OS9: variants seen among roughly 807,000 people sequenced by gnomAD.
OS9 encodes protein OS-9.
A neutral mutation model predicts 84.7 loss-of-function variants in OS9; 58 were observed. The ratio of observed to expected loss-of-function variants is 0.68; its 90% CI spans 0.55 to 0.85. The LOEUF (loss-of-function observed/expected upper bound fraction) is 0.85. Ranked by LOEUF, OS9 falls within the 40% of genes least tolerant of loss-of-function variation. OS9 has a pLI of 0.00. For synonymous variants in OS9, 278 were observed against 320.8 expected (o/e 0.87, Z 1.43); for missense variants, 760 against 850.9 (o/e 0.89, Z 1.33).
rs756329065 is a variant in OS9 at position 57,694,301 on chromosome 12, C to A, written c.140C>A (p.Pro47Gln). 32 of 1,613,936 alleles carry A rather than the reference C, an allele frequency of 2.0e-5. No homozygotes were observed. Among genetic ancestry groups the A allele is most frequent in the Non-Finnish European group, 2.6e-5 (31 of 1,180,018 alleles). The change falls in exon 1 of 15, where the codon CCG (proline) becomes CAG (glutamine). Residue 47 changes from proline to glutamine, a missense_variant. Transcript: ENST00000315970. ...SEMRYGIEIL[P>Q]LPVMGGQSQS... ...ATGCGTTATGGGATCGAGATCCTGC[C>A]GTTGCCTGTCATGGGAGGGCAGGTG...
At position 57,716,733 on chromosome 12, in the gene OS9, G is replaced by A. The variant is rs1954511939; in HGVS notation, c.1034G>A (p.Gly345Asp). 6.2e-7 allele frequency: 1 copy of A among 1,613,838 alleles called. No homozygotes were observed. Among genetic ancestry groups the A allele is most frequent in the Non-Finnish European group, 8.5e-7 (1 of 1,179,742 alleles). ...CCTGAGGCAGCAGATTCAGCTTCTG[G>A]TGCTCCCAATGGTGAGTGAACCTTC... ...PSPEAADSAS[G>D]APNDFQNNVQ... The change falls in exon 9 of 15, where the codon GGT (glycine) becomes GAT (aspartate). Residue 345 changes from glycine to aspartate, a missense_variant. Physicochemically the swap from Gly to Asp is moderately conservative, Grantham distance 94. Coordinates refer to ENST00000315970, the MANE Select transcript of OS9 (RefSeq NM_006812.4).
At chr12:57,713,209 A>G (rs1009777020) in intron 5 of OS9, among the ~76,000 whole-genome samples, 2 of 152,124 alleles carry the variant, frequency 1.3e-5, no homozygotes, top group Non-Finnish European at 1.5e-5. Flanking sequence ...TGAAGTGCCT[A>G]TAGGCTTGAA....
chr12:57,702,129 C>G (rs1954044862), intron 5 of OS9, among the ~76,000 whole-genome samples: 1 of 152,072 alleles, frequency 6.6e-6, no homozygotes, highest in African/African-American at 2.4e-5. Flanking sequence ...AATATATAAC[C>G]TAAAAGTTAT....
intron 8 of OS9, 80 bp from the exon 9 acceptor site, chr12:57,716,613 A>G: frequency 1.3e-6 from 2 of 1,525,870 alleles, no homozygotes. Flanking sequence ...ATGCAAGGAT[A>G]TCCCCAGAAC....
intron 5 of OS9, among the ~76,000 whole-genome samples, chr12:57,713,679 C>A (rs1954396297): frequency 6.6e-6 from 1 of 151,732 alleles, no homozygotes; most frequent in Admixed American, 6.6e-5. Context: ...AGTCCCTCCC[C>A]CTCCACCGCC....
At position 57,707,151 on chromosome 12, in the gene OS9, T is replaced by A. The variant is rs1018343587; in HGVS notation, c.580-8609T>A. 2.0e-5 allele frequency among the ~76,000 whole-genome samples: 3 copies of A among 152,172 alleles called. No individual in the cohort carries two copies. The East Asian group carries it at 5.8e-4, about 29-fold the overall frequency. On this transcript the variant is annotated intron_variant, in intron 5 of 14. Transcript: ENST00000315970. ...CCTAATATTGACTTTGCCTTTTCTC[T>A]TTTTTCTTGATCTATGTTGCCAGAG... is the stretch of plus-strand genomic sequence containing the variant.
intron 5 of OS9, among the ~76,000 whole-genome samples, chr12:57,712,731 AT>A (rs1242130072): frequency 6.6e-6 from 1 of 151,858 alleles, no homozygotes; most frequent in African/African-American, 2.4e-5. Flanking sequence ...TTGTTTGTTC[AT>A]TTGTTCAGTG....
intron 5 of OS9, among the ~76,000 whole-genome samples, chr12:57,697,920 C>CTGAACCTA (rs1555192641): frequency 4.9e-5 from 4 of 81,064 alleles, no homozygotes; most frequent in Non-Finnish European, 1.0e-4. Context: ...CACACACACA[C>CTGAACCTA]ACATACACAC....
chr12:57,694,861 G>A lies in OS9; in HGVS notation c.274G>A (p.Ala92Thr). The change falls in exon 2 of 15, where the codon GCT (alanine) becomes ACT (threonine). Residue 92 changes from alanine (A) to threonine (T), a missense_variant. Ala to Thr is a moderately conservative substitution (Grantham distance 58). Transcript: ENST00000315970. ...FQREREEETP[A>T]YQGPGIPELL... ...GCGTGAAAGGGAGGAGGAAACACCT[G>A]CTTACCAAGGGCCTGGGATCCCTGA... 1 of 1,614,158 alleles carries A rather than the reference G, an allele frequency of 6.2e-7. No homozygotes were observed. Among genetic ancestry groups the A allele is most frequent in the Non-Finnish European group, 8.5e-7 (1 of 1,180,022 alleles).
intron 5 of OS9, 93 bp downstream of exon 5, chr12:57,696,466 G>T (rs1319289882): frequency 5.7e-6 from 3 of 522,144 alleles, no homozygotes; most frequent in South Asian, 2.6e-5. Context: ...GCGGGGGCGG[G>T]GGGGGTCCCC....
intron 2 of OS9, 83 bp downstream of exon 2, chr12:57,695,009 A>G: frequency 7.9e-7 from 1 of 1,267,602 alleles, no homozygotes; most frequent in Non-Finnish European, 1.1e-6. Flanking sequence ...ATGAGGCAGG[A>G]TCTAGGGGAC....
intron 5 of OS9, among the ~76,000 whole-genome samples, chr12:57,714,222 T>C (rs759833307): frequency 3.3e-5 from 5 of 152,254 alleles, no homozygotes; most frequent in Non-Finnish European, 4.4e-5. Context: ...TTTGTTTGTA[T>C]TGAGACAGAG....
At chr12:57,713,261 G>A (rs895675392) in intron 5 of OS9, among the ~76,000 whole-genome samples, 1 of 152,206 alleles carries the variant, frequency 6.6e-6, no homozygotes, top group Admixed American at 6.5e-5. Flanking sequence ...GTCCTTTGGA[G>A]AATGTTTTGG....
intron 5 of OS9, among the ~76,000 whole-genome samples, chr12:57,714,285 C>T (rs2140325384): frequency 6.6e-6 from 1 of 152,236 alleles, no homozygotes; most frequent in South Asian, 2.1e-4. Context: ...CGGCTCACCG[C>T]AACCTTGGCC....
Position 57,694,785 on chromosome 12 carries a change from G to A in OS9, c.198G>A (p.Lys66=). 1 of 1,613,976 alleles carries A rather than the reference G, an allele frequency of 6.2e-7. No individual in the cohort carries two copies. Among genetic ancestry groups the A allele is most frequent in the Non-Finnish European group, 8.5e-7 (1 of 1,180,008 alleles). Reference sequence around the variant, plus strand: ...CGGACGTGGTGATTGTCTCCTCTAAGTACAAACAGCGCTATGAGTGTCGCC... The same window carrying A: ...CGGACGTGGTGATTGTCTCCTCTAAATACAAACAGCGCTATGAGTGTCGCC... ...QSSDVVIVSS[K]YKQRYECRLP... Residue 66 remains lysine (K), a synonymous_variant, in exon 2 of 15, where the codon AAG becomes AAA. Coordinates refer to ENST00000315970, the MANE Select transcript of OS9 (RefSeq NM_006812.4).
intron 5 of OS9, among the ~76,000 whole-genome samples, chr12:57,713,597 T>C (rs1456835172): frequency 6.6e-6 from 1 of 152,066 alleles, no homozygotes; most frequent in East Asian, 1.9e-4. Flanking sequence ...AGTTGCTGTA[T>C]CTTGGAGCTG....
chr12:57,701,751 T>TTACAG (rs1433918588), intron 5 of OS9, among the ~76,000 whole-genome samples: 1 of 152,056 alleles, frequency 6.6e-6, no homozygotes, highest in East Asian at 1.9e-4. Context: ...AATCACTGGG[T>TTACAG]TACAGGAGTG....
chr12:57,698,946 A>T (rs1378712385), intron 5 of OS9, among the ~76,000 whole-genome samples: 1 of 152,216 alleles, frequency 6.6e-6, no homozygotes, highest in Non-Finnish European at 1.5e-5. Flanking sequence ...GGCCCACTCT[A>T]GCTGGAGTAT....
At chr12:57,696,745 G>A (rs1337978456) in intron 5 of OS9, among the ~76,000 whole-genome samples, 4 of 151,824 alleles carry the variant, frequency 2.6e-5, no homozygotes, top group South Asian at 2.1e-4. Context: ...GCAGTGAGCC[G>A]AGGTCGTGCC....
Sources: allele counts gnomAD v4.1 joint callset (sites outside exome capture counted in the v4.1 genomes callset), GRCh38; gene constraint gnomAD v4.1.1; transcripts MANE v1.5; gene names NCBI Gene and HGNC (gene_info 2026-07-23, HGNC 2026-07-21).